TMC7: variants seen among roughly 807,000 people sequenced by gnomAD.
TMC7 encodes the protein transmembrane channel-like protein 7.
A neutral mutation model predicts 82.9 loss-of-function variants in TMC7; 54 were observed. That is an observed-to-expected ratio of 0.65 (90% CI 0.52 to 0.82). The LOEUF (loss-of-function observed/expected upper bound fraction) is 0.82. Among genes scored for constraint, TMC7 ranks in the 40% least tolerant of loss-of-function variants. The pLI, the probability that TMC7 is intolerant of heterozygous loss-of-function variation, is 0.00. For missense variants in TMC7, 820 were observed against 901.2 expected (o/e 0.91, Z 1.15); for synonymous variants, 350 against 337.9 (o/e 1.04, Z -0.39).
intron 1 of TMC7, among the ~76,000 whole-genome samples, chr16:18,988,657 C>T (rs2142110509): frequency 6.6e-6 from 1 of 152,314 alleles, no homozygotes; most frequent in South Asian, 2.1e-4. Context: ...AACTCCTGGG[C>T]TCAAGGGATC....
intron 1 of TMC7, among the ~76,000 whole-genome samples, chr16:18,999,614 C>A (rs192218687): frequency 1.1e-4 from 16 of 152,274 alleles, no homozygotes; most frequent in African/African-American, 3.6e-4. Context: ...TTCTGAGTGA[C>A]TGACTGGTGG....
chr16:19,044,983 C>T lies in TMC7; in HGVS notation c.1437C>T (p.Tyr479=). Residue 479 remains tyrosine, a synonymous_variant, in exon 10 of 16, where the codon TAC becomes TAT. Transcript: ENST00000304381. Reference sequence around the variant, plus strand: ...ATGACACATGTGACCTTTGCGGCTACAACCAGAAACTCTACCCGGTGAGTT... The same window carrying T: ...ATGACACATGTGACCTTTGCGGCTATAACCAGAAACTCTACCCGGTGAGTT... ...CDDDTCDLCG[Y]NQKLYPCWET... The T allele has an allele frequency of 6.2e-7, 1 of 1,613,778 alleles. No individual in the cohort carries two copies. Among genetic ancestry groups the T allele is most frequent in the Non-Finnish European group, 8.5e-7 (1 of 1,179,862 alleles).
intron 1 of TMC7, among the ~76,000 whole-genome samples, chr16:18,986,831 G>A (rs1443059510): frequency 6.6e-6 from 1 of 151,392 alleles, no homozygotes; most frequent in Non-Finnish European, 1.5e-5. Flanking sequence ...TTGAGATGGA[G>A]TCTTACTCTG....
intron 1 of TMC7, among the ~76,000 whole-genome samples, chr16:18,986,129 C>T (rs1343136885): frequency 6.6e-6 from 1 of 152,046 alleles, no homozygotes; most frequent in Non-Finnish European, 1.5e-5. Context: ...GGCACAGTGG[C>T]TCACACCTGT....
chr16:18,984,732 A>G (rs551790724), intron 1 of TMC7, among the ~76,000 whole-genome samples: 10 of 152,266 alleles, frequency 6.6e-5, no homozygotes, highest in Non-Finnish European at 1.5e-4. Flanking sequence ...CCAGCCAAGT[A>G]TTATAATCTT....
intron 8 of TMC7, 64 bp downstream of exon 8, chr16:19,038,111 A>C: frequency 6.8e-7 from 1 of 1,476,904 alleles, no homozygotes; most frequent in African/African-American, 1.4e-5. Context: ...TGAGGTAGAT[A>C]CCATCGTCAT....
intron 1 of TMC7, among the ~76,000 whole-genome samples, chr16:18,986,611 G>T (rs1016138719): frequency 6.6e-6 from 1 of 152,028 alleles, no homozygotes; most frequent in Non-Finnish European, 1.5e-5. Context: ...TAAACTCCAG[G>T]CTCTTCCATC....
At chr16:19,038,122 TTC>T in intron 8 of TMC7, 75 bp downstream of exon 8, 1 of 1,432,534 alleles carries the variant, frequency 7.0e-7, no homozygotes, top group Non-Finnish European at 9.5e-7. Flanking sequence ...CCATCGTCAT[TTC>T]TGTTTTACAT....
At chr16:19,020,695 T>C (rs1156877470) in intron 3 of TMC7, among the ~76,000 whole-genome samples, 3 of 151,344 alleles carry the variant, frequency 2.0e-5, no homozygotes, top group East Asian at 3.9e-4. Flanking sequence ...TGGTGAAACC[T>C]CATCTGTACT....
chr16:19,045,265 A>T, intron 10 of TMC7, 76 bp from the exon 11 acceptor site: 1 of 1,184,914 alleles, frequency 8.4e-7, no homozygotes, highest in Non-Finnish European at 1.3e-6. Flanking sequence ...AAAGGGAATT[A>T]GAAGGTGTCT....
chr16:18,994,301 C>CAG (rs2039001778), intron 1 of TMC7, among the ~76,000 whole-genome samples: 5 of 152,182 alleles, frequency 3.3e-5, no homozygotes, highest in African/African-American at 9.6e-5. Flanking sequence ...GCAGCAGCAG[C>CAG]CGCCACATGC....
At chr16:18,991,985 C>G (rs1487360169) in intron 1 of TMC7, among the ~76,000 whole-genome samples, 6 of 151,536 alleles carry the variant, frequency 4.0e-5, no homozygotes, top group Non-Finnish European at 2.9e-5. Flanking sequence ...TTTTCTTAAT[C>G]CAGTCTATCA....
intron 5 of TMC7, among the ~76,000 whole-genome samples, chr16:19,024,614 A>G (rs1432268484): frequency 6.6e-6 from 1 of 151,614 alleles, no homozygotes; most frequent in Non-Finnish European, 1.5e-5. Flanking sequence ...GTTAGAGTGT[A>G]GTGGTGCAAT....
chr16:19,014,733 G>T (rs541141771), intron 2 of TMC7, among the ~76,000 whole-genome samples: 4 of 152,102 alleles, frequency 2.6e-5, no homozygotes, highest in Non-Finnish European at 4.4e-5. Flanking sequence ...AGCTGTCGTT[G>T]TTGGACGTCA....
At chr16:18,986,841 G>C (rs557053439) in intron 1 of TMC7, among the ~76,000 whole-genome samples, 3 of 151,014 alleles carry the variant, frequency 2.0e-5, no homozygotes, top group Admixed American at 1.3e-4. Context: ...GTCTTACTCT[G>C]TCGCCCAGGC....
chr16:19,042,777 C>T (rs1455088527), intron 9 of TMC7, among the ~76,000 whole-genome samples: 3 of 151,522 alleles, frequency 2.0e-5, no homozygotes, highest in African/African-American at 4.9e-5. Flanking sequence ...GACGGAGTCT[C>T]GCTCTGTCAC....
chr16:19,038,516 C>T (rs1298960698), intron 8 of TMC7, among the ~76,000 whole-genome samples: 1 of 150,248 alleles, frequency 6.7e-6, no homozygotes, highest in East Asian at 2.0e-4. Flanking sequence ...TTTAAGAGAA[C>T]TTTTTTGTTT....
rs1328402699 is a variant in TMC7, at chr16:19,016,612, AC to A, written c.460+16del. Reference sequence around the variant, plus strand: ...GCAGCATAGAAGGTATGCTGTCCTCACCTCTCTGCAGGCTCCTCCGCAGAAG... The same window carrying A: ...GCAGCATAGAAGGTATGCTGTCCTCACTCTCTGCAGGCTCCTCCGCAGAAG... On this transcript the variant is annotated intron_variant, in intron 3 of 15. Transcript: ENST00000304381. The A allele has an allele frequency of 2.5e-6, 4 of 1,611,404 alleles. No individual in the cohort carries two copies. Among genetic ancestry groups the A allele is most frequent in the Non-Finnish European group, 3.4e-6 (4 of 1,179,320 alleles).
At chr16:19,019,878 C>A (rs938603846) in intron 3 of TMC7, among the ~76,000 whole-genome samples, 3 of 152,168 alleles carry the variant, frequency 2.0e-5, no homozygotes, top group Non-Finnish European at 1.5e-5. Context: ...TTTCTTGCCT[C>A]TGGCAGATTG....
Sources: gnomAD v4.1 joint callset for allele counts (sites outside exome capture counted in the v4.1 genomes callset) on GRCh38, gnomAD v4.1.1 for gene constraint, MANE v1.5 for transcripts, NCBI Gene and HGNC (gene_info 2026-07-23, HGNC 2026-07-21) for gene names.